MXD3: variants seen among roughly 807,000 people sequenced by gnomAD.
The protein encoded by MXD3 is MAX dimerization protein 3.
MXD3 carries 20 observed loss-of-function variants against 27.5 expected under a neutral mutation model. The observed-to-expected ratio is 0.73, with a 90% CI of 0.51 to 1.06. The LOEUF is 1.06. MXD3 is among the 50% of genes least tolerant of loss of function. MXD3 has a pLI of 0.00. For missense variants in MXD3, 298 were observed against 291.3 expected, an observed-to-expected ratio of 1.02 and a Z score of -0.17; for synonymous variants, 150 against 130.7, an observed-to-expected ratio of 1.15 and a Z score of -1.01.
chr5:177,306,848 C>G (rs1320401961), downstream of MXD3: 2 of 729,716 alleles, frequency 2.7e-6, no homozygotes, highest in African/African-American at 1.8e-5. Flanking sequence ...GCGGTAAGTG[C>G]TAGACTGTAA....
At position 177,307,465 on chromosome 5, in the gene MXD3, A is replaced by C; in HGVS notation, c.*123T>G. 1 of 1,533,886 alleles carries C rather than the reference A, an allele frequency of 6.5e-7. No individual in the cohort carries two copies. The highest frequency in any genetic ancestry group is 8.8e-7 in the Non-Finnish European group (1 of 1,140,708). On this transcript the variant is annotated 3_prime_UTR_variant, in exon 6 of 6. Transcript: ENST00000439742. ...TTTGGGGAGCACCTGTTCCCACACAAGGGTCCTTTTAGTCCATTCCAACAG... is the reference window on the plus strand; with the variant it reads ...TTTGGGGAGCACCTGTTCCCACACACGGGTCCTTTTAGTCCATTCCAACAG...
upstream of MXD3, chr5:177,312,434 C>G (rs763779363): frequency 4.1e-6 from 4 of 985,550 alleles, no homozygotes; most frequent in Non-Finnish European, 4.8e-6. Flanking sequence ...CTGATCCACA[C>G]GTTCGGGCGG....
chr5:177,312,651 G>GC (rs1301464793), upstream of MXD3: 3 of 985,350 alleles, frequency 3.0e-6, no homozygotes, highest in African/African-American at 3.5e-5. Context: ...TAATATCTCG[G>GC]CCCCCCTCCT....
chr5:177,306,056 A>G (rs1760864793), downstream of MXD3: 1 of 1,600,954 alleles, frequency 6.2e-7, no homozygotes. Flanking sequence ...GGCTGGGGTC[A>G]GTGGGCAACT....
downstream of MXD3, chr5:177,306,632 T>G: frequency 6.4e-7 from 1 of 1,550,408 alleles, no homozygotes; most frequent in Non-Finnish European, 8.7e-7. Flanking sequence ...CCTCCCTTCA[T>G]TGTACTTTAT....
At position 177,307,858 on chromosome 5, in the gene MXD3, GC is replaced by G; in HGVS notation, c.427del (p.Ala143ArgfsTer?). ...CGCCCGCAGCCGCTCCCGCTCGGCC[GC>G]CCCTGCCAGCCCCCGGAGCTGCTCC... ...QLEQLRGLAG[A>X]AERERLRADS... On this transcript the variant is annotated frameshift_variant, in exon 5 of 6. Coordinates refer to ENST00000439742, the MANE Select transcript of MXD3 (RefSeq NM_031300.4). LOFTEE classifies it high-confidence loss of function. The G allele has an allele frequency of 1.2e-6, 2 of 1,609,090 alleles. No homozygotes were observed. The highest frequency in any genetic ancestry group is 3.3e-5 in the Admixed American group (2 of 59,760).
At chr5:177,309,303 GC>G (rs1464622114) in intron 4 of MXD3, among the ~76,000 whole-genome samples, 7 of 152,236 alleles carry the variant, frequency 4.6e-5, no homozygotes, top group Admixed American at 4.6e-4. Context: ...GTAGAAGACA[GC>G]CTGGTGGAGG....
upstream of MXD3, chr5:177,312,215 C>T (rs890421949): frequency 6.0e-6 from 6 of 992,572 alleles, no homozygotes; most frequent in African/African-American, 1.0e-4. Flanking sequence ...GACTAGCCCC[C>T]AACATAGCAC....
At chr5:177,306,531 G>A (rs201616411), downstream of MXD3, 312 of 1,612,300 alleles carry the variant, frequency 1.9e-4, no homozygotes, top group Admixed American at 2.0e-4. Flanking sequence ...CCAGCAAGGC[G>A]GCCACCAAGA....
At position 177,311,362 on chromosome 5, in the gene MXD3, GC is replaced by G. The variant is rs954915893; in HGVS notation, c.176+16del. The stretch of plus-strand genomic sequence containing the variant: ...GCCCACCCCCACCCCCACTCCCGCC[GC>G]CCCCGGCCTCCTCACCGCCCGCTGT... On this transcript the variant is annotated intron_variant, in intron 2 of 5. Transcript: ENST00000439742. The G allele has an allele frequency of 2.0e-4, 157 of 780,270 alleles. 1 individual carries two copies. Among genetic ancestry groups the G allele is most frequent in the Non-Finnish European group, 2.6e-4 (150 of 568,858 alleles). The allele number at this position is 780,270 out of a possible 1,614,324, so 48.3% of individuals were successfully genotyped here.
upstream of MXD3, chr5:177,312,071 G>A: frequency 2.5e-6 from 3 of 1,203,098 alleles, no homozygotes; most frequent in South Asian, 5.0e-5. Flanking sequence ...CCAGGGGCAG[G>A]TAAGGGCGCT....
At chr5:177,312,720 G>C (rs183662538), upstream of MXD3, 3,138 of 985,504 alleles carry the variant, frequency 3.2e-3, 9 homozygotes, top group South Asian at 3.5e-3. Context: ...GCTTCCTCAG[G>C]CAGGCCATAC....
upstream of MXD3, chr5:177,312,551 C>T: frequency 1.0e-6 from 1 of 985,458 alleles, no homozygotes; most frequent in East Asian, 1.1e-4. Flanking sequence ...GGACCCGGCT[C>T]CTGCCCTCCG....
rs989262284 is a variant in MXD3, at chr5:177,311,896, G to A, written c.-66C>T. ...CGGAGCAAGCGGCTGCAGCACTTTTGTTACAAAGTAACTGACACGGTGCAA... is the reference window on the plus strand; with the variant it reads ...CGGAGCAAGCGGCTGCAGCACTTTTATTACAAAGTAACTGACACGGTGCAA... On this transcript the variant is annotated 5_prime_UTR_variant, in exon 1 of 6. Transcript: ENST00000439742. 1 of 1,556,884 alleles carries A rather than the reference G, an allele frequency of 6.4e-7. No homozygotes were observed. Among genetic ancestry groups the A allele is most frequent in the African/African-American group, 1.4e-5 (1 of 72,488 alleles).
chr5:177,310,376 G>GC, intron 4 of MXD3, 50 bp downstream of exon 4: 3 of 1,468,914 alleles, frequency 2.0e-6, no homozygotes, highest in Non-Finnish European at 2.8e-6. Context: ...CCATAGCACA[G>GC]CCCTCCATAC....
At chr5:177,312,560 C>T (rs889874260), upstream of MXD3, 3 of 985,346 alleles carry the variant, frequency 3.0e-6, no homozygotes, top group Admixed American at 6.1e-5. Flanking sequence ...TCCTGCCCTC[C>T]GGGGTCTGTC....
intron 5 of MXD3, 21 bp downstream of exon 5, chr5:177,307,760 C>G: frequency 6.2e-6 from 10 of 1,613,106 alleles, no homozygotes; most frequent in Non-Finnish European, 8.5e-6. Flanking sequence ...CCACACAACC[C>G]CTCAGCCTCG....
intron 2 of MXD3, chr5:177,311,094 G>A (rs1183754330): frequency 7.4e-6 from 4 of 541,066 alleles, no homozygotes; most frequent in Non-Finnish European, 1.3e-5. Context: ...GCCAGCGGGG[G>A]AGGTGAGTGG....
chr5:177,307,171 G>T, downstream of MXD3: 1 of 1,549,618 alleles, frequency 6.5e-7, no homozygotes, highest in Non-Finnish European at 8.7e-7. Context: ...GTGGTTGGGA[G>T]TTCCCCCGTT....
Sources: allele counts gnomAD v4.1 joint callset (sites outside exome capture counted in the v4.1 genomes callset), GRCh38; gene constraint gnomAD v4.1.1; transcripts MANE v1.5; gene names NCBI Gene and HGNC (gene_info 2026-07-23, HGNC 2026-07-21).